The following ZNF385B variants were observed in gnomAD, a reference collection of about 807,000 sequenced individuals.
ZNF385B encodes zinc finger protein 533.
A neutral mutation model predicts 39.2 loss-of-function variants in ZNF385B; 23 were observed. The observed-to-expected ratio is 0.59, with a 90% CI of 0.42 to 0.83. ZNF385B has a LOEUF of 0.83. Ranked by LOEUF, ZNF385B falls within the 40% of genes least tolerant of loss-of-function variation. The probability of loss-of-function intolerance (pLI) is 0.00; values close to 1 mark genes in which losing one functional copy is unlikely to be tolerated. For missense variants in ZNF385B, 552 were observed against 598.9 expected, an observed-to-expected ratio of 0.92 and a Z score of 0.82; for synonymous variants, 205 against 222.6, an observed-to-expected ratio of 0.92 and a Z score of 0.70.
chr2:179,522,540 A>T (rs2058579503), intron 4 of ZNF385B, among the ~76,000 whole-genome samples: 1 of 152,164 alleles, frequency 6.6e-6, no homozygotes, highest in Admixed American at 6.5e-5. Flanking sequence ...GTTCTATATC[A>T]TAATGATTTC....
chr2:179,625,370 C>A (rs1344931881), intron 3 of ZNF385B, among the ~76,000 whole-genome samples: 2 of 151,620 alleles, frequency 1.3e-5, no homozygotes, highest in Non-Finnish European at 2.9e-5. Flanking sequence ...TTTCCTCTAG[C>A]CTTACTTATT....
rs544757565 is a variant in ZNF385B at position 179,720,841 on chromosome 2, C to T, written c.298+48662G>A. Among the ~76,000 whole-genome samples, 155 of 151,730 alleles carry T rather than the reference C, an allele frequency of 1.0e-3. 1 individual carries two copies. The highest frequency in any genetic ancestry group is 9.4e-3 in the South Asian group (45 of 4,784). ...AGTGATGTAATCACACTTACTATAA[C>T]CTTGAATTCCTGGGCTCAAGTGATA... is the stretch of plus-strand genomic sequence containing the variant. On this transcript the variant is annotated intron_variant, in intron 3 of 9. Transcript: ENST00000410066.
intron 3 of ZNF385B, among the ~76,000 whole-genome samples, chr2:179,648,940 C>T (rs1253693753): frequency 2.0e-5 from 3 of 151,978 alleles, no homozygotes; most frequent in Admixed American, 6.6e-5. Context: ...GCATAAAATG[C>T]TTATTAATTA....
chr2:179,819,255 A>G (rs1305567906), intron 1 of ZNF385B, among the ~76,000 whole-genome samples: 6 of 152,108 alleles, frequency 3.9e-5, no homozygotes, highest in Non-Finnish European at 7.4e-5. Context: ...ATGGCTTTCA[A>G]TATGTTGTGG....
chr2:179,771,944 C>G lies in ZNF385B; in HGVS notation c.-154-1272G>C, dbSNP rs531779893. Reference sequence around the variant, plus strand: ...ATTGAAACCTAAGCTTATATTTCAACTCAAGGAAGCAAGATCCTTGACTCA... The same window carrying G: ...ATTGAAACCTAAGCTTATATTTCAAGTCAAGGAAGCAAGATCCTTGACTCA... On this transcript the variant is annotated intron_variant, in intron 1 of 9. Transcript: ENST00000410066. Among the ~76,000 whole-genome samples, 10 of 152,266 alleles carry G rather than the reference C, an allele frequency of 6.6e-5. No homozygotes were observed. In the East Asian group the frequency reaches 1.7e-3, roughly 26 times the overall value.
chr2:179,817,181 G>A (rs1707120715), intron 1 of ZNF385B, among the ~76,000 whole-genome samples: 1 of 152,150 alleles, frequency 6.6e-6, no homozygotes, highest in Admixed American at 6.6e-5. Context: ...TTGTATCATT[G>A]TTATTGTGCA....
At chr2:179,646,001 C>T (rs1350821548) in intron 3 of ZNF385B, among the ~76,000 whole-genome samples, 1 of 152,202 alleles carries the variant, frequency 6.6e-6, no homozygotes, top group Non-Finnish European at 1.5e-5. Flanking sequence ...TTTCCATTGC[C>T]ATCCCCACCT....
At chr2:179,700,095 C>CA (rs11413272) in intron 3 of ZNF385B, among the ~76,000 whole-genome samples, 133,430 of 148,150 alleles carry the variant, frequency 0.9, 60,216 homozygotes, top group South Asian at 0.94. Context: ...CAGATCTTGC[C>CA]AAAAAAAAAA....
chr2:179,751,742 A>G (rs1469522876), intron 3 of ZNF385B, among the ~76,000 whole-genome samples: 2 of 152,120 alleles, frequency 1.3e-5, no homozygotes. Context: ...ATTATGTATA[A>G]CACTCCAACT....
chr2:179,503,511 T>C (rs750706975), intron 5 of ZNF385B, among the ~76,000 whole-genome samples: 2 of 152,252 alleles, frequency 1.3e-5, no homozygotes, highest in Non-Finnish European at 2.9e-5. Flanking sequence ...TCAAATTTTA[T>C]ATTTTTGTAT....
chr2:179,588,551 C>G (rs981767709), intron 3 of ZNF385B, among the ~76,000 whole-genome samples: 6 of 152,036 alleles, frequency 3.9e-5, no homozygotes, highest in African/African-American at 1.5e-4. Flanking sequence ...TCACACTTAC[C>G]CACCATGATT....
chr2:179,700,246 A>G (rs80322853), intron 3 of ZNF385B, among the ~76,000 whole-genome samples: 4,579 of 152,254 alleles, frequency 0.03, 95 homozygotes, highest in Middle Eastern at 0.055. Flanking sequence ...ATGACTTCAA[A>G]ATGTACCCTT....
intron 3 of ZNF385B, among the ~76,000 whole-genome samples, chr2:179,677,988 C>T (rs1456640791): frequency 6.6e-6 from 1 of 152,118 alleles, no homozygotes; most frequent in Non-Finnish European, 1.5e-5. Flanking sequence ...CAGAATTAGT[C>T]CCCCTTAGCA....
intron 3 of ZNF385B, chr2:179,637,191 GAT>G (rs1218398117): frequency 6.6e-6 from 1 of 152,100 alleles, no homozygotes; most frequent in Non-Finnish European, 1.5e-5. Context: ...GCTATTATTA[GAT>G]ATAATACAGA....
chr2:179,611,825 T>C (rs997980890), intron 3 of ZNF385B, among the ~76,000 whole-genome samples: 76 of 152,340 alleles, frequency 5.0e-4, no homozygotes, highest in African/African-American at 1.6e-3. Context: ...TAGTTGCTGA[T>C]AGTAGCCTCT....
Position 179,544,810 on chromosome 2 carries a change from G to T in ZNF385B, c.441+17C>A, listed in dbSNP as rs745983509. On this transcript the variant is annotated intron_variant, in intron 4 of 9. Transcript: ENST00000410066. The stretch of plus-strand genomic sequence containing the variant: ...GATGGAGGAGGACACAAATAAAATA[G>T]AAATGAATTTACTCACTGTGTTAAA... 2 of 1,613,578 alleles carry T rather than the reference G, an allele frequency of 1.2e-6. No individual in the cohort carries two copies. The highest frequency in any genetic ancestry group is 1.3e-5 in the African/African-American group (1 of 74,884).
intron 3 of ZNF385B, among the ~76,000 whole-genome samples, chr2:179,758,057 G>A (rs543840352): frequency 2.0e-5 from 3 of 152,222 alleles, no homozygotes; most frequent in South Asian, 4.1e-4. Context: ...CATCACTCAC[G>A]CTGGGAGCTA....
intron 3 of ZNF385B, among the ~76,000 whole-genome samples, chr2:179,676,224 G>C (rs946760342): frequency 1.3e-5 from 2 of 151,840 alleles, no homozygotes; most frequent in African/African-American, 4.8e-5. Context: ...GAGTAGCTGG[G>C]ACTACAGGCG....
intron 1 of ZNF385B, among the ~76,000 whole-genome samples, chr2:179,804,243 G>A (rs904727617): frequency 1.3e-5 from 2 of 152,008 alleles, no homozygotes; most frequent in East Asian, 3.8e-4. Flanking sequence ...TCACATAGAG[G>A]GAAGACCTCT....
Sources: gnomAD v4.1 joint callset for allele counts (sites outside exome capture counted in the v4.1 genomes callset) on GRCh38, gnomAD v4.1.1 for gene constraint, MANE v1.5 for transcripts, NCBI Gene and HGNC (gene_info 2026-07-23, HGNC 2026-07-21) for gene names.